The following TMC1 variants were observed in gnomAD, a reference collection of about 807,000 sequenced individuals.
The protein encoded by TMC1 is transmembrane channel like 1.
Under a neutral mutation model 105.8 loss-of-function variants are expected in TMC1, and 84 were observed. The observed-to-expected ratio is 0.79, with a 90% CI of 0.67 to 0.95. The LOEUF (loss-of-function observed/expected upper bound fraction) is 0.95. Ranked by LOEUF, TMC1 falls within the 40% of genes least tolerant of loss-of-function variation. The pLI, the probability that TMC1 is intolerant of heterozygous loss-of-function variation, is 0.00. For synonymous variants in TMC1, 315 were observed against 311.5 expected (o/e 1.01, Z -0.12); for missense variants, 817 against 914.1 (o/e 0.89, Z 1.37).
At chr9:72,565,588 G>A (rs1824136413) in intron 1 of TMC1, among the ~76,000 whole-genome samples, 1 of 152,050 alleles carries the variant, frequency 6.6e-6, no homozygotes, top group Admixed American at 6.6e-5. Flanking sequence ...TGTGTATGTT[G>A]GAGCTTTGTG....
chr9:72,831,124 C>A (rs2118333364), intron 23 of TMC1, among the ~76,000 whole-genome samples: 2 of 152,270 alleles, frequency 1.3e-5, no homozygotes, highest in Middle Eastern at 3.4e-3. Context: ...CTTTCTAATC[C>A]ATTAAACTTT....
intron 11 of TMC1, 119 bp downstream of exon 11, chr9:72,752,075 A>G: frequency 1.3e-6 from 1 of 776,346 alleles, no homozygotes. Flanking sequence ...GAGTCATAGG[A>G]TTTGTAATGA....
intron 13 of TMC1, among the ~76,000 whole-genome samples, chr9:72,775,010 G>T (rs186516905): frequency 1.8e-4 from 27 of 151,972 alleles, no homozygotes; most frequent in African/African-American, 6.5e-4. Flanking sequence ...CCACAAAATG[G>T]GAGCAAATAT....
At chr9:72,754,447 A>G (rs1053367530) in intron 11 of TMC1, among the ~76,000 whole-genome samples, 4 of 152,142 alleles carry the variant, frequency 2.6e-5, no homozygotes, top group South Asian at 2.1e-4. Flanking sequence ...GTTGAGTCCT[A>G]TGTGACTCAA....
At chr9:72,813,132 A>G (rs1175589935) in intron 18 of TMC1, among the ~76,000 whole-genome samples, 2 of 152,170 alleles carry the variant, frequency 1.3e-5, no homozygotes, top group East Asian at 3.8e-4. Flanking sequence ...TTATGATCTC[A>G]AAGTTCAAGA....
intron 12 of TMC1, among the ~76,000 whole-genome samples, chr9:72,762,585 T>A (rs1423406410): frequency 1.3e-5 from 2 of 152,194 alleles, no homozygotes; most frequent in Non-Finnish European, 2.9e-5. Flanking sequence ...TTCGGTGGCA[T>A]GACCCCAAGC....
chr9:72,728,516 A>G (rs1247184364), intron 8 of TMC1, among the ~76,000 whole-genome samples: 1 of 152,140 alleles, frequency 6.6e-6, no homozygotes, highest in Non-Finnish European at 1.5e-5. Flanking sequence ...TCATCTTGAA[A>G]TAATCTTTAT....
At chr9:72,542,183 C>T (rs767854454) in intron 1 of TMC1, among the ~76,000 whole-genome samples, 4 of 151,844 alleles carry the variant, frequency 2.6e-5, no homozygotes, top group African/African-American at 7.3e-5. Context: ...AAAAAGGGCC[C>T]GGCGCGGTGG....
intron 13 of TMC1, among the ~76,000 whole-genome samples, chr9:72,777,073 A>G (rs949194363): frequency 3.9e-5 from 6 of 152,178 alleles, no homozygotes; most frequent in Non-Finnish European, 7.3e-5. Context: ...ATATTCCAAG[A>G]TAAATCATGG....
intron 17 of TMC1, among the ~76,000 whole-genome samples, chr9:72,797,203 C>A (rs543543328): frequency 2.0e-5 from 3 of 152,120 alleles, no homozygotes; most frequent in Middle Eastern, 3.4e-3. Context: ...AACTACTGCT[C>A]AAGGAAATCA....
chr9:72,802,456 T>C (rs769419021), intron 17 of TMC1, among the ~76,000 whole-genome samples: 1 of 152,108 alleles, frequency 6.6e-6, no homozygotes, highest in Non-Finnish European at 1.5e-5. Flanking sequence ...TCTCAGCAAA[T>C]GCAAAATAAC....
chr9:72,540,805 A>G (rs149238684), intron 1 of TMC1, among the ~76,000 whole-genome samples: 1 of 152,174 alleles, frequency 6.6e-6, no homozygotes, highest in Non-Finnish European at 1.5e-5. Context: ...GCATGACAAC[A>G]TGCTGGCTGT....
At chr9:72,660,264 G>A (rs1317568059) in intron 5 of TMC1, among the ~76,000 whole-genome samples, 1 of 152,054 alleles carries the variant, frequency 6.6e-6, no homozygotes, top group Admixed American at 6.5e-5. Flanking sequence ...AGTTAAATTT[G>A]CAACTAGCTT....
At chr9:72,732,146 A>G (rs1024885889) in intron 8 of TMC1, among the ~76,000 whole-genome samples, 2 of 152,236 alleles carry the variant, frequency 1.3e-5, no homozygotes, top group African/African-American at 4.8e-5. Context: ...AAGCATTTGC[A>G]TAATTGCCTA....
chr9:72,810,162 ATGAGGCTGTTTTAGAGC>A, intron 18 of TMC1, among the ~76,000 whole-genome samples: 1 of 151,784 alleles, frequency 6.6e-6, no homozygotes. Context: ...AAAAACTAAA[ATGAGGCTGTTTTAGAGC>A]AGAAAAGGCT....
intron 23 of TMC1, among the ~76,000 whole-genome samples, chr9:72,832,456 T>C (rs1335473787): frequency 6.6e-6 from 1 of 152,154 alleles, no homozygotes; most frequent in African/African-American, 2.4e-5. Context: ...ATTGGCCCCA[T>C]ATGGGTCATG....
chr9:72,616,019 A>G (rs540102481), intron 2 of TMC1, among the ~76,000 whole-genome samples: 1 of 152,194 alleles, frequency 6.6e-6, no homozygotes, highest in East Asian at 1.9e-4. Flanking sequence ...AAATGCTGGG[A>G]TTACAGGCGT....
At chr9:72,681,603 C>T (rs1039776096) in intron 5 of TMC1, among the ~76,000 whole-genome samples, 1 of 152,154 alleles carries the variant, frequency 6.6e-6, no homozygotes, top group Non-Finnish European at 1.5e-5. Flanking sequence ...CAGCAACCCA[C>T]TTCACTCAGC....
intron 3 of TMC1, among the ~76,000 whole-genome samples, chr9:72,619,978 G>A (rs1825216458): frequency 6.6e-6 from 1 of 151,906 alleles, no homozygotes; most frequent in Non-Finnish European, 1.5e-5. Flanking sequence ...GGGACTACAG[G>A]CATGTGCCAC....
Sources: gnomAD v4.1 joint callset for allele counts (sites outside exome capture counted in the v4.1 genomes callset) on GRCh38, gnomAD v4.1.1 for gene constraint, MANE v1.5 for transcripts, NCBI Gene and HGNC (gene_info 2026-07-23, HGNC 2026-07-21) for gene names.